Variants in AKAP6 observed in about 807,000 individuals in gnomAD.
AKAP6 encodes the protein A-kinase anchoring protein 6.
Under a neutral mutation model 188.5 loss-of-function variants are expected in AKAP6, and 58 were observed. That is an observed-to-expected ratio of 0.31 (90% CI 0.25 to 0.38). The LOEUF (loss-of-function observed/expected upper bound fraction) is 0.38. Among genes scored for constraint, AKAP6 ranks in the 10% least tolerant of loss-of-function variants. AKAP6 has a pLI of 1.00. For synonymous variants in AKAP6, 989 were observed against 998.6 expected, an observed-to-expected ratio of 0.99 and a Z score of 0.18; for missense variants, 2,710 against 2,740.0, an observed-to-expected ratio of 0.99 and a Z score of 0.24.
At chr14:32,768,813 G>A (rs1370083958) in intron 11 of AKAP6, among the ~76,000 whole-genome samples, 1 of 151,926 alleles carries the variant, frequency 6.6e-6, no homozygotes, top group East Asian at 1.9e-4. Flanking sequence ...ATGGTTCATT[G>A]GGCATCACCC....
chr14:32,430,037 G>C (rs370025269), intron 1 of AKAP6, among the ~76,000 whole-genome samples: 8 of 152,196 alleles, frequency 5.3e-5, no homozygotes, highest in Admixed American at 2.6e-4. Context: ...AACACAAAAC[G>C]TGTAAATAAT....
chr14:32,658,755 G>A (rs1416814424), intron 7 of AKAP6, among the ~76,000 whole-genome samples: 1 of 148,508 alleles, frequency 6.7e-6, no homozygotes, highest in Non-Finnish European at 1.5e-5. Context: ...GTGGAGTTTG[G>A]TAGGTTCATT....
intron 7 of AKAP6, among the ~76,000 whole-genome samples, chr14:32,668,901 T>C (rs1464638833): frequency 6.6e-6 from 1 of 152,166 alleles, no homozygotes; most frequent in African/African-American, 2.4e-5. Flanking sequence ...TATTAAATTT[T>C]TGATATATAC....
At chr14:32,589,484 T>C (rs1392051911) in intron 5 of AKAP6, among the ~76,000 whole-genome samples, 3 of 152,170 alleles carry the variant, frequency 2.0e-5, no homozygotes, top group African/African-American at 4.8e-5. Context: ...GGAGGCTCAG[T>C]TTGGACATAT....
chr14:32,508,793 G>A lies in AKAP6; in HGVS notation c.325-26761G>A, dbSNP rs113770050. On this transcript the variant is annotated intron_variant, in intron 2 of 13. Coordinates refer to ENST00000280979, the MANE Select transcript of AKAP6 (RefSeq NM_004274.5). ...TAATAGGATTATTAGTGATTTATCT[G>A]ATTACTCTTCATTCGGTGGTTGTTT... Among the ~76,000 whole-genome samples, 354 of 151,510 alleles carry A rather than the reference G, an allele frequency of 2.3e-3. 4 individuals are homozygous for A. Among genetic ancestry groups the A allele is most frequent in the African/African-American group, 8.2e-3 (337 of 41,338 alleles).
intron 12 of AKAP6, among the ~76,000 whole-genome samples, chr14:32,794,200 CA>C (rs1421354104): frequency 6.6e-6 from 1 of 152,164 alleles, no homozygotes; most frequent in African/African-American, 2.4e-5. Context: ...CAAAATCACA[CA>C]ACTACGTGGA....
At chr14:32,770,438 T>C (rs540985112) in intron 11 of AKAP6, among the ~76,000 whole-genome samples, 1 of 152,212 alleles carries the variant, frequency 6.6e-6, no homozygotes, top group Non-Finnish European at 1.5e-5. Context: ...GAAGGCAATA[T>C]GACTATGCAT....
At chr14:32,474,275 C>G (rs1015997846) in intron 2 of AKAP6, 2 of 152,128 alleles carry the variant, frequency 1.3e-5, no homozygotes, top group African/African-American at 4.8e-5. Flanking sequence ...ACACGTGTTT[C>G]GTTTTGTGAC....
chr14:32,480,817 A>G (rs1467498509), intron 2 of AKAP6, among the ~76,000 whole-genome samples: 1 of 152,108 alleles, frequency 6.6e-6, no homozygotes, highest in African/African-American at 2.4e-5. Context: ...TGAAGATCCT[A>G]CTGGTCCAGG....
At chr14:32,540,110 A>T (rs12884026) in intron 3 of AKAP6, among the ~76,000 whole-genome samples, 12,064 of 126,424 alleles carry the variant, frequency 0.095, 639 homozygotes, top group Admixed American at 0.15. Context: ...AAAAAAAAGG[A>T]GGGGTGTTCT....
At chr14:32,681,791 A>T (rs1889688393) in intron 8 of AKAP6, among the ~76,000 whole-genome samples, 1 of 149,544 alleles carries the variant, frequency 6.7e-6, no homozygotes, top group Non-Finnish European at 1.5e-5. Flanking sequence ...TGATTCTCCC[A>T]CCTCAGCCTC....
intron 12 of AKAP6, among the ~76,000 whole-genome samples, chr14:32,776,582 A>G (rs1213926328): frequency 6.6e-6 from 1 of 152,234 alleles, no homozygotes; most frequent in Non-Finnish European, 1.5e-5. Flanking sequence ...ATACTTGCAC[A>G]TAGTAGGTCT....
At chr14:32,470,449 A>G (rs1266897896) in intron 2 of AKAP6, among the ~76,000 whole-genome samples, 1 of 152,126 alleles carries the variant, frequency 6.6e-6, no homozygotes, top group East Asian at 1.9e-4. Flanking sequence ...ATATTCTCTG[A>G]CTCATGGCTT....
chr14:32,679,934 T>C (rs1026043525), intron 8 of AKAP6, among the ~76,000 whole-genome samples: 17 of 152,262 alleles, frequency 1.1e-4, no homozygotes, highest in African/African-American at 4.1e-4. Flanking sequence ...TAATGTGCTT[T>C]AATTTCTCTA....
At chr14:32,666,176 T>C (rs890331005) in intron 7 of AKAP6, among the ~76,000 whole-genome samples, 2 of 152,266 alleles carry the variant, frequency 1.3e-5, no homozygotes, top group South Asian at 2.1e-4. Flanking sequence ...TCTACAAATA[T>C]AGTTTTAAAT....
intron 1 of AKAP6, among the ~76,000 whole-genome samples, chr14:32,363,425 A>C (rs1199811957): frequency 6.6e-6 from 1 of 152,218 alleles, no homozygotes; most frequent in Non-Finnish European, 1.5e-5. Context: ...GGCTGTCTGC[A>C]AGCTGAGAGC....
At chr14:32,722,913 C>A (rs909554760) in intron 9 of AKAP6, among the ~76,000 whole-genome samples, 1 of 152,198 alleles carries the variant, frequency 6.6e-6, no homozygotes, top group African/African-American at 2.4e-5. Context: ...TTAACACCAT[C>A]CATGGATGGC....
At chr14:32,494,976 C>G (rs1356937684) in intron 2 of AKAP6, 1 of 152,188 alleles carries the variant, frequency 6.6e-6, no homozygotes, top group African/African-American at 2.4e-5. Context: ...TTAGACACCC[C>G]TTTGCCATCA....
At chr14:32,810,590 T>A (rs1450835693) in intron 12 of AKAP6, among the ~76,000 whole-genome samples, 4 of 152,270 alleles carry the variant, frequency 2.6e-5, no homozygotes, top group Non-Finnish European at 4.4e-5. Context: ...GAAACTTACT[T>A]CAAAAATGTG....
Sources: gnomAD v4.1 joint callset for allele counts (sites outside exome capture counted in the v4.1 genomes callset) on GRCh38, gnomAD v4.1.1 for gene constraint, MANE v1.5 for transcripts, NCBI Gene and HGNC (gene_info 2026-07-23, HGNC 2026-07-21) for gene names.